The following ARK2N variants were observed in gnomAD, a reference collection of about 807,000 sequenced individuals.
ARK2N encodes the protein protein ARK2N.
chr18:46,257,496 C>G, the ARK2N span, among the ~76,000 whole-genome samples: 4 of 152,090 alleles, frequency 2.6e-5, no homozygotes, highest in Non-Finnish European at 4.4e-5. Flanking sequence ...CCTTGTATTG[C>G]TGTGTTGAAC....
At chr18:46,215,574 G>A in the ARK2N span, among the ~76,000 whole-genome samples, 1 of 152,040 alleles carries the variant, frequency 6.6e-6, no homozygotes, top group Non-Finnish European at 1.5e-5. Flanking sequence ...TTACATGTTG[G>A]CCTTTCAAGT....
the ARK2N span, among the ~76,000 whole-genome samples, chr18:46,215,092 G>A: frequency 6.6e-6 from 1 of 152,188 alleles, no homozygotes; most frequent in Non-Finnish European, 1.5e-5. Context: ...GCCACAGTGG[G>A]TGGATCACTT....
At chr18:46,260,707 G>T in the ARK2N span, among the ~76,000 whole-genome samples, 1 of 152,142 alleles carries the variant, frequency 6.6e-6, no homozygotes, top group African/African-American at 2.4e-5. Context: ...GCCGCTTATT[G>T]AATGGCCCTG....
the ARK2N span, chr18:46,240,061 G>T: frequency 6.2e-7 from 1 of 1,614,222 alleles, no homozygotes; most frequent in South Asian, 1.1e-5. Flanking sequence ...TGACCCAGAA[G>T]TGGTAAATGT....
the ARK2N span, among the ~76,000 whole-genome samples, chr18:46,241,039 TTA>T: frequency 6.6e-6 from 1 of 152,240 alleles, no homozygotes; most frequent in African/African-American, 2.4e-5. Flanking sequence ...TGCATTGGTT[TTA>T]TGAGTTAATC....
chr18:46,255,445 C>CTTTTTTTTTTTTTTT, the ARK2N span, among the ~76,000 whole-genome samples: 11 of 77,740 alleles, frequency 1.4e-4, no homozygotes, highest in African/African-American at 6.1e-4. Context: ...CTTTTCTTTT[C>CTTTTTTTTTTTTTTT]TTTTTTTTTT....
the ARK2N span, among the ~76,000 whole-genome samples, chr18:46,177,783 T>C: frequency 3.9e-5 from 6 of 152,004 alleles, no homozygotes; most frequent in Non-Finnish European, 8.8e-5. Flanking sequence ...GTGGTATGCA[T>C]CTTTAGTCCC....
At chr18:46,194,080 A>G in the ARK2N span, among the ~76,000 whole-genome samples, 5 of 151,600 alleles carry the variant, frequency 3.3e-5, no homozygotes, top group African/African-American at 1.2e-4. Context: ...GCCACATCCA[A>G]CTCCTGGGCT....
chr18:46,186,171 T>G, the ARK2N span, among the ~76,000 whole-genome samples: 2 of 151,582 alleles, frequency 1.3e-5, no homozygotes, highest in Admixed American at 6.6e-5. Flanking sequence ...GGAGAGTGGT[T>G]TTTAAAGATG....
At chr18:46,243,862 G>A in the ARK2N span, among the ~76,000 whole-genome samples, 1 of 152,152 alleles carries the variant, frequency 6.6e-6, no homozygotes, top group African/African-American at 2.4e-5. Context: ...TTACTACGGA[G>A]GACAGCACAT....
chr18:46,187,970 C>G, the ARK2N span, among the ~76,000 whole-genome samples: 1 of 152,092 alleles, frequency 6.6e-6, no homozygotes, highest in African/African-American at 2.4e-5. Flanking sequence ...TTAATAACTC[C>G]CTCTTCCCTC....
chr18:46,230,272 T>C, the ARK2N span, among the ~76,000 whole-genome samples: 4 of 152,194 alleles, frequency 2.6e-5, no homozygotes, highest in African/African-American at 9.7e-5. Context: ...TAGTGTAGGT[T>C]ATTGCATTCT....
chr18:46,255,445 C>CTTTTTTTTTTTTTT, the ARK2N span, among the ~76,000 whole-genome samples: 13 of 77,704 alleles, frequency 1.7e-4, no homozygotes, highest in Non-Finnish European at 2.2e-4. Context: ...CTTTTCTTTT[C>CTTTTTTTTTTTTTT]TTTTTTTTTT....
chr18:46,248,313 G>A, the ARK2N span, among the ~76,000 whole-genome samples: 33 of 152,224 alleles, frequency 2.2e-4, no homozygotes, highest in Non-Finnish European at 4.6e-4. Flanking sequence ...GAGGTGGAGA[G>A]AAAGTTCAGT....
the ARK2N span, among the ~76,000 whole-genome samples, chr18:46,227,730 T>TG: frequency 6.6e-6 from 1 of 152,088 alleles, no homozygotes; most frequent in African/African-American, 2.4e-5. Flanking sequence ...CCTAAGTAGT[T>TG]GGGATTACAA....
At chr18:46,244,832 C>T in the ARK2N span, among the ~76,000 whole-genome samples, 2 of 151,842 alleles carry the variant, frequency 1.3e-5, no homozygotes, top group African/African-American at 2.4e-5. Flanking sequence ...AATTCCTGAC[C>T]TCCAGTGATC....
At chr18:46,201,925 G>T in the ARK2N span, among the ~76,000 whole-genome samples, 2 of 151,870 alleles carry the variant, frequency 1.3e-5, no homozygotes, top group East Asian at 1.9e-4. Flanking sequence ...TTACAGGCGG[G>T]CGCCATTACG....
the ARK2N span, among the ~76,000 whole-genome samples, chr18:46,186,761 G>A: frequency 3.3e-5 from 5 of 151,922 alleles, 1 homozygote; most frequent in African/African-American, 9.7e-5. Context: ...GCCCACCTCG[G>A]CCTCCCAAAG....
At chr18:46,219,005 G>A in the ARK2N span, 1 of 152,160 alleles carries the variant, frequency 6.6e-6, no homozygotes, top group Non-Finnish European at 1.5e-5. Context: ...TTTTGTTTGG[G>A]CTCAGCTTAA....
Sources: allele counts gnomAD v4.1 joint callset (sites outside exome capture counted in the v4.1 genomes callset), GRCh38; gene constraint gnomAD v4.1.1; transcripts MANE v1.5; gene names NCBI Gene and HGNC (gene_info 2026-07-23, HGNC 2026-07-21).